Variants in RANBP10 observed in about 807,000 individuals in gnomAD.
The protein encoded by RANBP10 is ran-binding protein 10.
RANBP10 carries 24 observed loss-of-function variants against 72.8 expected under a neutral mutation model. The observed-to-expected ratio is 0.33, with a 90% CI of 0.24 to 0.46. RANBP10 has a LOEUF of 0.46. RANBP10 is among the 20% of genes least tolerant of loss of function. The pLI is 1.00. For missense variants in RANBP10, 679 were observed against 817.5 expected (o/e 0.83, Z 2.07); for synonymous variants, 310 against 322.3 (o/e 0.96, Z 0.41).
chr16:67,784,948 G>A (rs554738864), intron 2 of RANBP10, among the ~76,000 whole-genome samples: 2 of 151,882 alleles, frequency 1.3e-5, no homozygotes, highest in South Asian at 4.2e-4. Context: ...GGTGGCTCAC[G>A]CCTGTAATCC....
intron 10 of RANBP10, chr16:67,728,731 G>C (rs2053660982): frequency 2.5e-6 from 2 of 797,748 alleles, no homozygotes; most frequent in Non-Finnish European, 3.9e-6. Context: ...CCTTGCCCCA[G>C]TGCTGCCTCT....
intron 3 of RANBP10, 113 bp downstream of exon 3, chr16:67,771,921 G>C: frequency 8.1e-7 from 1 of 1,236,414 alleles, no homozygotes; most frequent in Non-Finnish European, 1.1e-6. Context: ...AGCATGGCTT[G>C]AGGTAGGCAG....
At chr16:67,781,294 A>C (rs1387809610) in intron 2 of RANBP10, among the ~76,000 whole-genome samples, 1 of 152,216 alleles carries the variant, frequency 6.6e-6, no homozygotes, top group Non-Finnish European at 1.5e-5. Context: ...TGAGATTACC[A>C]AGGAGAAAGG....
At chr16:67,750,275 C>T (rs2054168844) in intron 3 of RANBP10, among the ~76,000 whole-genome samples, 1 of 152,252 alleles carries the variant, frequency 6.6e-6, no homozygotes, top group African/African-American at 2.4e-5. Flanking sequence ...GCTTGCTGCT[C>T]CTCCAGGTCC....
intron 3 of RANBP10, among the ~76,000 whole-genome samples, chr16:67,754,536 A>C (rs2054253557): frequency 6.6e-6 from 1 of 152,200 alleles, no homozygotes; most frequent in Non-Finnish European, 1.5e-5. Context: ...CCCCTTGTGA[A>C]CCTGCTCCCC....
At chr16:67,791,418 G>T (rs961781338) in intron 2 of RANBP10, among the ~76,000 whole-genome samples, 2 of 152,142 alleles carry the variant, frequency 1.3e-5, no homozygotes, top group African/African-American at 4.8e-5. Flanking sequence ...AATGGGGCTC[G>T]ACGTTTTAAA....
At chr16:67,775,874 G>A (rs184977271) in intron 2 of RANBP10, among the ~76,000 whole-genome samples, 7 of 151,852 alleles carry the variant, frequency 4.6e-5, no homozygotes, top group South Asian at 2.1e-4. Flanking sequence ...TGCCGGGCGC[G>A]GTGGCTCACA....
chr16:67,734,344 C>T (rs564841148), intron 6 of RANBP10, among the ~76,000 whole-genome samples: 2 of 152,348 alleles, frequency 1.3e-5, no homozygotes, highest in East Asian at 3.9e-4. Context: ...GCGACACTGG[C>T]TTCCAGGACA....
intron 2 of RANBP10, among the ~76,000 whole-genome samples, chr16:67,802,230 G>C (rs906488637): frequency 6.6e-6 from 1 of 152,190 alleles, no homozygotes; most frequent in Non-Finnish European, 1.5e-5. Context: ...CCATGGGAAG[G>C]CTTTCAGGGA....
chr16:67,795,295 T>A lies in RANBP10; in HGVS notation c.347+10133A>T, dbSNP rs149456191. Reference sequence around the variant, plus strand: ...TGGTCCACACCTATAATCCCAGCACTTTGGGAGGCTGAGGTAGGAGGATGA... The same window carrying A: ...TGGTCCACACCTATAATCCCAGCACATTGGGAGGCTGAGGTAGGAGGATGA... On this transcript the variant is annotated intron_variant, in intron 2 of 13. Transcript: ENST00000317506. 3.7e-3 allele frequency among the ~76,000 whole-genome samples: 559 copies of A among 151,290 alleles called. 6 individuals carry two copies. Among genetic ancestry groups the A allele is most frequent in the African/African-American group, 0.013 (515 of 41,162 alleles).
intron 2 of RANBP10, among the ~76,000 whole-genome samples, chr16:67,789,294 A>C (rs555793127): frequency 1.7e-4 from 26 of 150,308 alleles, no homozygotes; most frequent in Non-Finnish European, 3.4e-4. Flanking sequence ...TGGGCACCAG[A>C]ATAAGACTCC....
chr16:67,772,658 T>C (rs532146090), intron 2 of RANBP10, among the ~76,000 whole-genome samples: 110 of 152,244 alleles, frequency 7.2e-4, no homozygotes, highest in South Asian at 8.3e-4. Flanking sequence ...GGAGTAATGA[T>C]GTGTGAGGCC....
intron 2 of RANBP10, among the ~76,000 whole-genome samples, chr16:67,799,259 G>A (rs966191605): frequency 6.8e-6 from 1 of 147,052 alleles, no homozygotes; most frequent in Non-Finnish European, 1.5e-5. Context: ...TGGCCCTACC[G>A]ACCTCATGTT....
intron 2 of RANBP10, among the ~76,000 whole-genome samples, chr16:67,797,959 C>T (rs965677798): frequency 2.1e-5 from 3 of 143,788 alleles, no homozygotes; most frequent in African/African-American, 7.9e-5. Context: ...CACTGCACTC[C>T]AGCCTGAGTG....
At chr16:67,741,012 A>G (rs191066913) in intron 4 of RANBP10, among the ~76,000 whole-genome samples, 28 of 152,326 alleles carry the variant, frequency 1.8e-4, no homozygotes, top group East Asian at 9.6e-4. Context: ...GGAGTCCCCA[A>G]GAAGCCTGGA....
intron 2 of RANBP10, among the ~76,000 whole-genome samples, chr16:67,790,107 A>G (rs1420246512): frequency 6.6e-6 from 1 of 151,694 alleles, no homozygotes; most frequent in East Asian, 1.9e-4. Flanking sequence ...AATTAAAAAA[A>G]AAAAAGAAGA....
chr16:67,758,231 C>A (rs962789705), intron 3 of RANBP10, among the ~76,000 whole-genome samples: 1 of 152,206 alleles, frequency 6.6e-6, no homozygotes, highest in Non-Finnish European at 1.5e-5. Flanking sequence ...GCACTACCTG[C>A]CAACACCTTG....
chr16:67,803,775 T>C (rs2055279217), intron 2 of RANBP10, among the ~76,000 whole-genome samples: 1 of 149,660 alleles, frequency 6.7e-6, no homozygotes. Context: ...TGAGCTGTGA[T>C]TGTGATCTTG....
chr16:67,774,459 C>T (rs570614230), intron 2 of RANBP10, among the ~76,000 whole-genome samples: 1 of 152,208 alleles, frequency 6.6e-6, no homozygotes, highest in African/African-American at 2.4e-5. Flanking sequence ...ACGCCTCTCC[C>T]TTCTCCAGCA....
Sources: allele counts gnomAD v4.1 joint callset (sites outside exome capture counted in the v4.1 genomes callset), GRCh38; gene constraint gnomAD v4.1.1; transcripts MANE v1.5; gene names NCBI Gene and HGNC (gene_info 2026-07-23, HGNC 2026-07-21).